The following PALD1 variants were observed in gnomAD, a reference collection of about 807,000 sequenced individuals.
The protein encoded by PALD1 is phosphatase domain containing paladin 1.
A neutral mutation model predicts 96.0 loss-of-function variants in PALD1; 57 were observed. The observed-to-expected ratio is 0.59, with a 90% CI of 0.48 to 0.74. The LOEUF is 0.74. PALD1 is among the 30% of genes least tolerant of loss of function. PALD1 has a pLI of 0.00. For missense variants in PALD1, 1,063 were observed against 1,143.7 expected (o/e 0.93, Z 1.02); for synonymous variants, 464 against 473.6 (o/e 0.98, Z 0.26).
chr10:70,540,142 G>T lies in PALD1; in HGVS notation c.1908+380G>T, dbSNP rs932961221. Among the ~76,000 whole-genome samples, 2 of 151,664 alleles carry T rather than the reference G, an allele frequency of 1.3e-5. No homozygotes were observed. Among genetic ancestry groups the T allele is most frequent in the African/African-American group, 4.8e-5 (2 of 41,248 alleles). On this transcript the variant is annotated intron_variant, in intron 15 of 19. Coordinates refer to ENST00000263563, the MANE Select transcript of PALD1 (RefSeq NM_014431.3). This position sits in a 1 kb window ranked among gnomAD's most constrained non-coding sequence, Gnocchi z 4.2. ...TTATAGGTGTGTGTGTGTTATCGGG[G>T]TGTGTGTGTATTCTGTTACAGGTGT...
rs926866425 is a variant in PALD1 at position 70,529,987 on chromosome 10, G to T, written c.387G>T (p.Gly129=). 1.2e-6 allele frequency: 2 copies of T among 1,609,486 alleles called. No homozygotes were observed. Among genetic ancestry groups the T allele is most frequent in the Non-Finnish European group, 1.7e-6 (2 of 1,177,982 alleles). Residue 129 remains glycine, a synonymous_variant, in exon 4 of 20, where the codon GGG becomes GGT. Transcript: ENST00000263563. ...CCAACTTCCGGCAGGTGCAGGGTGG[G>T]CTCACTGTGTTCGGCATGGGACAGC... The part of the protein sequence containing the change: ...GAPNFRQVQG[G]LTVFGMGQPS...
chr10:70,552,857 G>A (rs1014647024), intron 18 of PALD1, among the ~76,000 whole-genome samples: 1 of 152,156 alleles, frequency 6.6e-6, no homozygotes. Flanking sequence ...GGTTGACGTG[G>A]CCCTAAGTCT....
At chr10:70,470,100 C>T in the PALD1 span, among the ~76,000 whole-genome samples, 1 of 152,168 alleles carries the variant, frequency 6.6e-6, no homozygotes. Flanking sequence ...GGCCCTGACT[C>T]TGTTTCTTTA....
chr10:70,552,742 C>T (rs780599612), intron 18 of PALD1, among the ~76,000 whole-genome samples: 3 of 152,180 alleles, frequency 2.0e-5, no homozygotes, highest in Non-Finnish European at 4.4e-5. Flanking sequence ...AATGGACAGT[C>T]GCTACTTACC....
chr10:70,534,566 G>T, intron 9 of PALD1, 42 bp downstream of exon 9: 2 of 1,437,096 alleles, frequency 1.4e-6, no homozygotes, highest in South Asian at 1.2e-5. Flanking sequence ...GGGTGGTGGA[G>T]GGGACGGTCA....
intron 7 of PALD1, 69 bp downstream of exon 7, chr10:70,533,139 G>A: frequency 3.9e-6 from 5 of 1,277,178 alleles, no homozygotes; most frequent in Non-Finnish European, 5.6e-6. Flanking sequence ...GCTCAGGGTG[G>A]GCACAGCCTC....
At chr10:70,523,760 G>C (rs2027111) in intron 1 of PALD1, among the ~76,000 whole-genome samples, 3,451 of 152,246 alleles carry the variant, frequency 0.023, 119 homozygotes, top group African/African-American at 0.076. Flanking sequence ...GGCGTGAGTG[G>C]GGTTGGGGGT....
intron 1 of PALD1, among the ~76,000 whole-genome samples, chr10:70,502,612 A>G (rs911291365): frequency 3.3e-5 from 5 of 152,186 alleles, no homozygotes; most frequent in Non-Finnish European, 7.3e-5. Flanking sequence ...ATGAAAATGG[A>G]TGGAGCAGTG....
chr10:70,550,331 G>A (rs1287014409), intron 18 of PALD1, among the ~76,000 whole-genome samples: 1 of 152,166 alleles, frequency 6.6e-6, no homozygotes, highest in East Asian at 1.9e-4. Context: ...GCTTTAGTGG[G>A]CTTCAGAATC....
intron 18 of PALD1, among the ~76,000 whole-genome samples, chr10:70,548,217 A>G (rs1056743710): frequency 1.3e-5 from 2 of 151,930 alleles, no homozygotes; most frequent in African/African-American, 4.8e-5. Context: ...AGACAGGAGA[A>G]TTGCTTGAAC....
At chr10:70,541,015 C>A in intron 15 of PALD1, 87 bp from the exon 16 acceptor site, 2 of 1,425,192 alleles carry the variant, frequency 1.4e-6, no homozygotes, top group Non-Finnish European at 1.9e-6. Flanking sequence ...AGGACAGTGG[C>A]TGGGGCTGCC....
the PALD1 span, among the ~76,000 whole-genome samples, chr10:70,473,393 G>C: frequency 6.6e-6 from 1 of 152,232 alleles, no homozygotes; most frequent in Non-Finnish European, 1.5e-5. Flanking sequence ...TTTCCACATG[G>C]AGCTTGGATG....
At chr10:70,469,427 G>T in the PALD1 span, among the ~76,000 whole-genome samples, 2 of 152,172 alleles carry the variant, frequency 1.3e-5, no homozygotes, top group Admixed American at 6.5e-5. Flanking sequence ...ATCTCAGATT[G>T]TCTGGGGGTG....
chr10:70,478,185 C>T (rs1033135970), upstream of PALD1, among the ~76,000 whole-genome samples: 3 of 152,196 alleles, frequency 2.0e-5, no homozygotes, highest in African/African-American at 7.2e-5. Flanking sequence ...TCCTTAGGAC[C>T]CCGGGGCGTG....
At chr10:70,559,553 TGA>T (rs550214270) in intron 18 of PALD1, among the ~76,000 whole-genome samples, 99 of 152,254 alleles carry the variant, frequency 6.5e-4, no homozygotes, top group Admixed American at 6.5e-3. Flanking sequence ...GGGCTGTCGC[TGA>T]GTCAAGGGTG....
intron 1 of PALD1, among the ~76,000 whole-genome samples, chr10:70,505,598 C>T (rs1846370596): frequency 6.9e-6 from 1 of 144,128 alleles, no homozygotes; most frequent in African/African-American, 2.6e-5. Context: ...GAGAGAAACT[C>T]TGTCTCAAAA....
At chr10:70,487,048 T>TAG (rs1846025607) in intron 1 of PALD1, among the ~76,000 whole-genome samples, 1 of 151,812 alleles carries the variant, frequency 6.6e-6, no homozygotes, top group Non-Finnish European at 1.5e-5. Flanking sequence ...GAGTAGTCTC[T>TAG]GCTCCAGGGG....
intron 1 of PALD1, among the ~76,000 whole-genome samples, chr10:70,490,487 C>G (rs1292758320): frequency 6.6e-6 from 1 of 152,204 alleles, no homozygotes; most frequent in African/African-American, 2.4e-5. Context: ...AAACCCCTCA[C>G]TTGCTGATTG....
At chr10:70,564,587 A>G in intron 19 of PALD1, 68 bp downstream of exon 19, 1 of 1,493,198 alleles carries the variant, frequency 6.7e-7, no homozygotes, top group Non-Finnish European at 9.2e-7. Flanking sequence ...GGTCACAGCC[A>G]CTCAGTGCCT....
Sources: allele counts gnomAD v4.1 joint callset (sites outside exome capture counted in the v4.1 genomes callset), GRCh38; gene constraint gnomAD v4.1.1; non-coding constraint Gnocchi (gnomAD v3.1); transcripts MANE v1.5; gene names NCBI Gene and HGNC (gene_info 2026-07-23, HGNC 2026-07-21).